The following ATXN1 variants were observed in gnomAD, a reference collection of about 807,000 sequenced individuals.
ATXN1 encodes ataxin 1.
Under a neutral mutation model 56.4 loss-of-function variants are expected in ATXN1, and 8 were observed. That is an observed-to-expected ratio of 0.14 (90% confidence interval 0.08 to 0.26). ATXN1 has a LOEUF of 0.26. ATXN1 is among the 10% of genes least tolerant of loss of function. The pLI is 1.00. For missense variants in ATXN1, 987 were observed against 1,106.5 expected, an observed-to-expected ratio of 0.89 and a Z score of 1.53; for synonymous variants, 514 against 494.6, an observed-to-expected ratio of 1.04 and a Z score of -0.52.
At chr6:16,476,884 A>C (rs1197362676) in intron 6 of ATXN1, among the ~76,000 whole-genome samples, 6 of 152,240 alleles carry the variant, frequency 3.9e-5, no homozygotes, top group Admixed American at 3.3e-4. Flanking sequence ...ACGTGCTAGA[A>C]ATGGTCAGTT....
At chr6:16,602,363 A>AAAGCTTTTAATTTTTTT (rs1386151321) in intron 3 of ATXN1, among the ~76,000 whole-genome samples, 1 of 152,140 alleles carries the variant, frequency 6.6e-6, no homozygotes, top group Non-Finnish European at 1.5e-5. Context: ...TCCATACTTT[A>AAAGCTTTTAATTTTTTT]AAGCTTTTAA....
chr6:16,690,402 T>C (rs181353323), intron 2 of ATXN1, among the ~76,000 whole-genome samples: 4 of 151,814 alleles, frequency 2.6e-5, no homozygotes, highest in Admixed American at 6.6e-5. Context: ...GTGACATTGA[T>C]TCCTATTACC....
Position 16,436,099 on chromosome 6 carries a change from C to T in ATXN1, c.-161+49873G>A, listed in dbSNP as rs112807462. Among the ~76,000 whole-genome samples the T allele has an allele frequency of 9.0e-3, 1,370 of 151,980 alleles. 20 individuals are homozygous for T. The highest frequency in any genetic ancestry group is 0.031 in the African/African-American group (1,273 of 41,454). The stretch of plus-strand genomic sequence containing the variant: ...TTTTAGTAGAGATGGGGTTTCACCA[C>T]GTTGGCCAGCCTGGACTCAAACTCC... On this transcript the variant is annotated intron_variant, in intron 6 of 7. Coordinates refer to ENST00000436367, the MANE Select transcript of ATXN1 (RefSeq NM_001128164.2).
chr6:16,433,353 C>T (rs1019287278), intron 6 of ATXN1, among the ~76,000 whole-genome samples: 5 of 152,178 alleles, frequency 3.3e-5, no homozygotes, highest in African/African-American at 4.8e-5. Context: ...TTAGCTGATA[C>T]CTCAAATTTC....
intron 6 of ATXN1, among the ~76,000 whole-genome samples, chr6:16,339,150 C>A (rs948294243): frequency 6.6e-6 from 1 of 152,212 alleles, no homozygotes; most frequent in Non-Finnish European, 1.5e-5. Flanking sequence ...CACACACTCA[C>A]GAGCTTCACC....
chr6:16,565,403 T>C (rs559441152), intron 4 of ATXN1, among the ~76,000 whole-genome samples: 4 of 152,326 alleles, frequency 2.6e-5, no homozygotes, highest in African/African-American at 9.6e-5. Context: ...GTTTGATTTA[T>C]CTGATAAACA....
At chr6:16,464,064 A>G (rs1760052174) in intron 6 of ATXN1, among the ~76,000 whole-genome samples, 1 of 152,144 alleles carries the variant, frequency 6.6e-6, no homozygotes, top group African/African-American at 2.4e-5. Context: ...GTCATCACCC[A>G]GTTCCCAACA....
At chr6:16,759,972 C>T (rs530098081) in intron 1 of ATXN1, among the ~76,000 whole-genome samples, 2 of 152,048 alleles carry the variant, frequency 1.3e-5, no homozygotes, top group South Asian at 2.1e-4. Context: ...CCTCGCCCCC[C>T]GCCCGGCGCG....
At chr6:16,598,872 C>A (rs568467222) in intron 3 of ATXN1, among the ~76,000 whole-genome samples, 1 of 152,302 alleles carries the variant, frequency 6.6e-6, no homozygotes, top group East Asian at 1.9e-4. Flanking sequence ...AACTGGCCTC[C>A]GTCAAAAAGT....
chr6:16,593,812 CA>C (rs1186649328), intron 3 of ATXN1, among the ~76,000 whole-genome samples: 1 of 146,732 alleles, frequency 6.8e-6, no homozygotes, highest in African/African-American at 2.5e-5. Flanking sequence ...TTCTGTGAAG[CA>C]AAAAATTATA....
intron 4 of ATXN1, among the ~76,000 whole-genome samples, chr6:16,558,313 A>C (rs1235917235): frequency 6.6e-6 from 1 of 151,162 alleles, no homozygotes; most frequent in East Asian, 1.9e-4. Flanking sequence ...AAAAAAAAAA[A>C]AAAAAGAAAA....
At chr6:16,690,061 G>A (rs1248612498) in intron 2 of ATXN1, among the ~76,000 whole-genome samples, 2 of 151,998 alleles carry the variant, frequency 1.3e-5, no homozygotes, top group Non-Finnish European at 2.9e-5. Context: ...AGGGAACACT[G>A]GGTTGGGTTT....
At position 16,302,635 on chromosome 6, in the gene ATXN1, G is replaced by A. The variant is rs1012544398; in HGVS notation, c.*3694C>T. Reference sequence around the variant, plus strand: ...TTATATATTTAGAAATCCCTAGAAAGAGAGGTTCTTGTTTGTTGGTTTCTT... The same window carrying A: ...TTATATATTTAGAAATCCCTAGAAAAAGAGGTTCTTGTTTGTTGGTTTCTT... On this transcript the variant is annotated 3_prime_UTR_variant, in exon 8 of 8. Coordinates refer to ENST00000436367, the MANE Select transcript of ATXN1 (RefSeq NM_001128164.2). 2 of 152,582 alleles carry A rather than the reference G, an allele frequency of 1.3e-5. No homozygotes were observed. 9.5% of individuals were successfully genotyped at this position (152,582 alleles called of 1,614,324 possible).
intron 2 of ATXN1, among the ~76,000 whole-genome samples, chr6:16,696,635 GAAGT>G (rs1486284185): frequency 6.6e-6 from 1 of 152,160 alleles, no homozygotes; most frequent in Non-Finnish European, 1.5e-5. Flanking sequence ...GAGAAATATG[GAAGT>G]AAGAACAAAA....
chr6:16,325,524 T>C (rs2282844), intron 7 of ATXN1, among the ~76,000 whole-genome samples: 41,290 of 151,800 alleles, frequency 0.27, 6,473 homozygotes, highest in East Asian at 0.46. Context: ...CCTAAACCCG[T>C]TTACCCTGCC....
At chr6:16,584,632 G>GGC (rs1762590130) in intron 4 of ATXN1, among the ~76,000 whole-genome samples, 9 of 144,316 alleles carry the variant, frequency 6.2e-5, no homozygotes, top group African/African-American at 2.6e-4. Flanking sequence ...ACTTACAAAT[G>GGC]ACCCCCCCCA....
intron 3 of ATXN1, among the ~76,000 whole-genome samples, chr6:16,652,478 T>C (rs1758086238): frequency 6.6e-6 from 1 of 152,186 alleles, no homozygotes; most frequent in Non-Finnish European, 1.5e-5. Flanking sequence ...AGGAAATAGT[T>C]TACATGGACC....
chr6:16,384,616 G>C (rs2113511371), intron 6 of ATXN1, among the ~76,000 whole-genome samples: 1 of 152,348 alleles, frequency 6.6e-6, no homozygotes, highest in East Asian at 1.9e-4. Context: ...GGCCTGGTGG[G>C]AGATGACTGG....
rs140366005 is a variant in ATXN1 at position 16,525,318 on chromosome 6, C to T, written c.-360-2630G>A. 2.6e-3 allele frequency among the ~76,000 whole-genome samples: 394 copies of T among 152,196 alleles called. 1 individual carries two copies. Among genetic ancestry groups the T allele is most frequent in the African/African-American group, 8.5e-3 (353 of 41,522 alleles). ...GGATAAAGAAAGTATAGTATATACA[C>T]ACAATGGAATATTATTCAGCCATAA... On this transcript the variant is annotated intron_variant, in intron 4 of 7. Transcript: ENST00000436367.
Sources: allele counts gnomAD v4.1 joint callset (sites outside exome capture counted in the v4.1 genomes callset), GRCh38; gene constraint gnomAD v4.1.1; transcripts MANE v1.5; gene names NCBI Gene and HGNC (gene_info 2026-07-23, HGNC 2026-07-21).